IL17RD: variants seen among roughly 807,000 people sequenced by gnomAD.
IL17RD encodes interleukin-17 receptor D.
IL17RD carries 52 observed loss-of-function variants against 80.5 expected under a neutral mutation model. The observed-to-expected ratio is 0.65, with a 90% CI of 0.52 to 0.81. The LOEUF (loss-of-function observed/expected upper bound fraction) is 0.81, where lower values mean the gene tolerates loss of function less well. Ranked by LOEUF, IL17RD falls within the 40% of genes least tolerant of loss-of-function variation. The pLI, the probability that IL17RD is intolerant of heterozygous loss-of-function variation, is 0.00. For synonymous variants in IL17RD, 416 were observed against 391.8 expected, an observed-to-expected ratio of 1.06 and a Z score of -0.73; for missense variants, 1,024 against 955.1, an observed-to-expected ratio of 1.07 and a Z score of -0.95.
chr3:57,105,552 A>AAAAAAAAAAAAAAAATATATAT, intron 7 of IL17RD, among the ~76,000 whole-genome samples: 16 of 63,586 alleles, frequency 2.5e-4, no homozygotes, highest in African/African-American at 4.7e-4. Context: ...AAAAAAAAAA[A>AAAAAAAAAAAAAAAATATATAT]ATATATATAT....
intron 1 of IL17RD, among the ~76,000 whole-genome samples, chr3:57,162,929 G>T (rs1020246063): frequency 6.6e-6 from 1 of 152,208 alleles, no homozygotes; most frequent in Non-Finnish European, 1.5e-5. Context: ...CCCTGAGGAG[G>T]TACCACCTGA....
At chr3:57,135,677 G>A (rs1707709951) in intron 1 of IL17RD, among the ~76,000 whole-genome samples, 1 of 152,088 alleles carries the variant, frequency 6.6e-6, no homozygotes, top group Non-Finnish European at 1.5e-5. Flanking sequence ...AGTTCCTTCT[G>A]GGTGAAATAT....
At chr3:57,102,880 A>G (rs1706868803) in intron 9 of IL17RD, among the ~76,000 whole-genome samples, 1 of 152,174 alleles carries the variant, frequency 6.6e-6, no homozygotes, top group Non-Finnish European at 1.5e-5. Context: ...ACAATTGACT[A>G]TTTATCTAGT....
At chr3:57,101,873 T>C (rs1400159861) in intron 10 of IL17RD, among the ~76,000 whole-genome samples, 1 of 152,240 alleles carries the variant, frequency 6.6e-6, no homozygotes. Flanking sequence ...GGCTGTCTCA[T>C]GGTGACTTTT....
At chr3:57,126,555 A>T (rs1345029610) in intron 1 of IL17RD, among the ~76,000 whole-genome samples, 1 of 152,274 alleles carries the variant, frequency 6.6e-6, no homozygotes, top group Non-Finnish European at 1.5e-5. Context: ...GAAGGTGATC[A>T]GACAGCCAAC....
In IL17RD at chr3:57,094,273, C is replaced by T. The variant is rs192056032; in HGVS notation, c.*2120G>A. ...TTGGACTTCTCAATTTATTCTGAGG[C>T]AATCACACTATGGTTTCATTACTCG... On this transcript the variant is annotated 3_prime_UTR_variant, in exon 13 of 13. Transcript: ENST00000296318. 12 of 152,278 alleles carry T rather than the reference C, an allele frequency of 7.9e-5. No homozygotes were observed. Among genetic ancestry groups the T allele is most frequent in the Admixed American group, 7.8e-4 (12 of 15,296 alleles). The allele number at this position is 152,278 out of a possible 1,614,324, so 9.4% of individuals were successfully genotyped here.
At position 57,095,520 on chromosome 3, in the gene IL17RD, C is replaced by G. The variant is rs1706652074; in HGVS notation, c.*873G>C. ...ACCAGAAGGCCAACCAAAGCACGAACTGCAACTTCCAATAATACAGACCAG... is the reference window on the plus strand; with the variant it reads ...ACCAGAAGGCCAACCAAAGCACGAAGTGCAACTTCCAATAATACAGACCAG... On this transcript the variant is annotated 3_prime_UTR_variant, in exon 13 of 13. Transcript: ENST00000296318. 1 of 152,242 alleles carries G rather than the reference C, an allele frequency of 6.6e-6. No individual in the cohort carries two copies. Among genetic ancestry groups the G allele is most frequent in the African/African-American group, 2.4e-5 (1 of 41,444 alleles). 9.4% of individuals were successfully genotyped at this position (152,242 alleles called of 1,614,324 possible). A position where few individuals can be genotyped will look rare whatever the true frequency, so the allele number is the denominator to read the frequency against.
chr3:57,134,358 C>A, intron 1 of IL17RD: 1 of 694,698 alleles, frequency 1.4e-6, no homozygotes, highest in Non-Finnish European at 2.7e-6. Context: ...GAAGGGCAGG[C>A]ACATGGGCAT....
intron 1 of IL17RD, among the ~76,000 whole-genome samples, chr3:57,145,041 A>G (rs2107529714): frequency 6.6e-6 from 1 of 152,336 alleles, no homozygotes; most frequent in South Asian, 2.1e-4. Flanking sequence ...ACCCATATGC[A>G]GATCAACTGT....
chr3:57,165,359 G>A, upstream of IL17RD: 3 of 1,185,218 alleles, frequency 2.5e-6, no homozygotes, highest in Non-Finnish European at 3.1e-6. Context: ...CGAGTGGGCG[G>A]TGGCCGCGGC....
chr3:57,141,855 G>C (rs1018813095), intron 1 of IL17RD, among the ~76,000 whole-genome samples: 2 of 152,160 alleles, frequency 1.3e-5, no homozygotes, highest in African/African-American at 2.4e-5. Flanking sequence ...GGAAAAGATG[G>C]ATTTTGTCTT....
At position 57,102,484 on chromosome 3, in the gene IL17RD, TG is replaced by T; in HGVS notation, c.973del (p.Gln325AsnfsTer9). 1.3e-6 allele frequency: 2 copies of T among 1,537,520 alleles called. No homozygotes were observed. The highest frequency in any genetic ancestry group is 1.2e-5 in the South Asian group (1 of 83,460). On this transcript the variant is annotated frameshift_variant, in exon 10 of 13. Coordinates refer to ENST00000296318, the MANE Select transcript of IL17RD (RefSeq NM_017563.5). LOFTEE classifies it high-confidence loss of function. ...CACAGCACACAAAGAGATACCTTGT[TG>T]CTTCTTGCGGCACATCACAGTGAAG... ...TLFTVMCRKK[Q>X]QENIYSHLDE...
chr3:57,152,831 G>A (rs928575695), intron 1 of IL17RD, among the ~76,000 whole-genome samples: 4 of 152,148 alleles, frequency 2.6e-5, no homozygotes, highest in South Asian at 2.1e-4. Context: ...TGGAGGATAC[G>A]TTTTTAGTAA....
At chr3:57,130,210 T>G (rs1026818152) in intron 1 of IL17RD, among the ~76,000 whole-genome samples, 5 of 152,156 alleles carry the variant, frequency 3.3e-5, no homozygotes, top group East Asian at 1.9e-4. Context: ...TTCCCAGAGC[T>G]CATGAAGGCC....
intron 1 of IL17RD, among the ~76,000 whole-genome samples, chr3:57,135,246 T>G (rs962628055): frequency 6.6e-6 from 1 of 152,140 alleles, no homozygotes; most frequent in African/African-American, 2.4e-5. Flanking sequence ...CCTGGAGCAC[T>G]GAGGAGGTGA....
In IL17RD at chr3:57,102,434, T is replaced by C. The variant is rs772931677; in HGVS notation, c.979+45A>G. The C allele has an allele frequency of 2.1e-5, 24 of 1,124,396 alleles. No homozygotes were observed. In the East Asian group the frequency reaches 3.7e-4, roughly 17 times the overall value. 69.7% of individuals were successfully genotyped at this position (1,124,396 alleles called of 1,614,324 possible). On this transcript the variant is annotated intron_variant, in intron 10 of 12. Transcript: ENST00000296318. ...CTCTCTTTCTCTTGGCAGCACCCCC[T>C]GGCCTGCCCCTTGTTGTGGGGAGAC...
At chr3:57,158,555 C>T (rs1011603697) in intron 1 of IL17RD, among the ~76,000 whole-genome samples, 1 of 152,026 alleles carries the variant, frequency 6.6e-6, no homozygotes, top group Admixed American at 6.6e-5. Flanking sequence ...CCTATTAAGT[C>T]CCCCCCTTTA....
Position 57,104,350 on chromosome 3 carries a change from T to C in IL17RD, c.805A>G (p.Ile269Val). 1 of 1,605,646 alleles carries C rather than the reference T, an allele frequency of 6.2e-7. No homozygotes were observed. The highest frequency in any genetic ancestry group is 8.5e-7 in the Non-Finnish European group (1 of 1,173,328). ...TCTTGTGTTATGCATACCTCAATTA[T>C]ATAATCCCCTGGAGAAACATTTTGA... ...LLQNVSPGDY[I>V]IELVDDTNTT... Residue 269 changes from isoleucine to valine, a missense_variant, in exon 8 of 13, where the codon ATA becomes GTA. Ile to Val is a conservative substitution (Grantham distance 29, BLOSUM62 3). Coordinates refer to ENST00000296318, the MANE Select transcript of IL17RD (RefSeq NM_017563.5).
At chr3:57,120,379 T>C (rs887620965) in intron 1 of IL17RD, 66 bp from the exon 2 acceptor site, 2 of 1,175,790 alleles carry the variant, frequency 1.7e-6, no homozygotes, top group African/African-American at 1.5e-5. Flanking sequence ...CAAAGCCCCA[T>C]GGAGTCCAAA....
Sources: gnomAD v4.1 joint callset for allele counts (sites outside exome capture counted in the v4.1 genomes callset) on GRCh38, gnomAD v4.1.1 for gene constraint, MANE v1.5 for transcripts, NCBI Gene and HGNC (gene_info 2026-07-23, HGNC 2026-07-21) for gene names.